ANO3: variants seen among roughly 807,000 people sequenced by gnomAD.
ANO3 encodes anoctamin-3.
In ANO3, 99 loss-of-function variants were observed where a neutral mutation model predicts 144.8. The observed-to-expected ratio is 0.68, with a 90% CI of 0.58 to 0.81. ANO3 has a LOEUF of 0.81. Among genes scored for constraint, ANO3 ranks in the 30% least tolerant of loss-of-function variants. ANO3 has a pLI of 0.00. For missense variants in ANO3, 905 were observed against 1,202.2 expected, an observed-to-expected ratio of 0.75 and a Z score of 3.66; for synonymous variants, 414 against 392.6, an observed-to-expected ratio of 1.05 and a Z score of -0.64.
chr11:26,496,056 G>T lies in ANO3; in HGVS notation c.433-12048G>T, dbSNP rs558243685. Among the ~76,000 whole-genome samples the T allele has an allele frequency of 2.1e-4, 32 of 152,256 alleles. No homozygotes were observed. In the South Asian group the frequency reaches 6.4e-3, roughly 31 times the overall value. On this transcript the variant is annotated intron_variant, in intron 4 of 26. Coordinates refer to ENST00000256737, the MANE Select transcript of ANO3 (RefSeq NM_031418.4). Reference sequence around the variant, plus strand: ...GTGAAAATAGTAGGCTTTGACCAAGGTAATGAATATTCTGGGGCTATTTCC... The same window carrying T: ...GTGAAAATAGTAGGCTTTGACCAAGTTAATGAATATTCTGGGGCTATTTCC...
Position 26,332,197 on chromosome 11 carries a change from AGCGTCTAGAGTCTG to A in ANO3, c.-76_-63del, listed in dbSNP as rs1855066091. 6.2e-7 allele frequency: 1 copy of A among 1,613,040 alleles called. No homozygotes were observed. On this transcript the variant is annotated 5_prime_UTR_variant, in exon 1 of 27. Coordinates refer to ENST00000256737, the MANE Select transcript of ANO3 (RefSeq NM_031418.4). ...CGCTCGCTGAGGCTCCGGACCTTGG[AGCGTCTAGAGTCTG>A]GCTACTGTTCCTCCGCCTCCCTCTC...
intron 1 of ANO3, among the ~76,000 whole-genome samples, chr11:26,385,666 G>T (rs1358539989): frequency 6.6e-6 from 1 of 151,944 alleles, no homozygotes; most frequent in Non-Finnish European, 1.5e-5. Flanking sequence ...ATTACACTGG[G>T]CCTATCGGGG....
At chr11:26,502,432 G>C (rs1423553112) in intron 4 of ANO3, among the ~76,000 whole-genome samples, 1 of 152,190 alleles carries the variant, frequency 6.6e-6, no homozygotes, top group Non-Finnish European at 1.5e-5. Flanking sequence ...TAGATTCCAA[G>C]TATGTCTGAA....
intron 4 of ANO3, among the ~76,000 whole-genome samples, chr11:26,497,729 C>T (rs17243329): frequency 0.075 from 11,349 of 151,992 alleles, 601 homozygotes; most frequent in Admixed American, 0.13. Context: ...GAAAGTGTGG[C>T]ATTTATGATA....
At chr11:26,210,879 G>A (rs922409529) in intron 1 of ANO3, among the ~76,000 whole-genome samples, 21 of 151,690 alleles carry the variant, frequency 1.4e-4, no homozygotes, top group African/African-American at 4.6e-4. Context: ...AAGGAGATTT[G>A]GGGCTGAAAC....
chr11:26,590,954 C>T (rs537980211), intron 14 of ANO3, among the ~76,000 whole-genome samples: 5 of 152,280 alleles, frequency 3.3e-5, no homozygotes, highest in African/African-American at 7.2e-5. Context: ...TGCCCACTCC[C>T]GTCTCGAATG....
At chr11:26,589,720 A>G (rs1294200875) in intron 14 of ANO3, among the ~76,000 whole-genome samples, 6 of 152,194 alleles carry the variant, frequency 3.9e-5, no homozygotes, top group Non-Finnish European at 7.3e-5. Flanking sequence ...TGAGCAGACC[A>G]TACAATACAT....
chr11:26,625,262 C>T (rs1310096495), intron 18 of ANO3, among the ~76,000 whole-genome samples: 3 of 152,162 alleles, frequency 2.0e-5, no homozygotes, highest in Non-Finnish European at 4.4e-5. Flanking sequence ...TGTTATTTCC[C>T]ACCATGTTTC....
chr11:26,322,659 C>A (rs2133880413), intron 1 of ANO3, among the ~76,000 whole-genome samples: 1 of 152,160 alleles, frequency 6.6e-6, no homozygotes, highest in Non-Finnish European at 1.5e-5. Context: ...CCATTTTCAC[C>A]ACATCATATG....
chr11:26,535,919 G>A (rs1166675163), intron 9 of ANO3, among the ~76,000 whole-genome samples: 3 of 151,796 alleles, frequency 2.0e-5, no homozygotes, highest in African/African-American at 7.3e-5. Context: ...TCAGACTGTT[G>A]TTCTTCTAAT....
intron 14 of ANO3, among the ~76,000 whole-genome samples, chr11:26,584,783 A>T (rs1351662007): frequency 6.6e-6 from 1 of 152,208 alleles, no homozygotes; most frequent in African/African-American, 2.4e-5. Flanking sequence ...TGCAGCATCT[A>T]ACCTCCCTTA....
chr11:26,246,314 C>T (rs952910995), intron 1 of ANO3, among the ~76,000 whole-genome samples: 3 of 151,890 alleles, frequency 2.0e-5, no homozygotes, highest in African/African-American at 7.3e-5. Context: ...CACCAGTTTC[C>T]AAACCAGGAG....
At chr11:26,648,389 T>G (rs1234738678) in intron 24 of ANO3, among the ~76,000 whole-genome samples, 1 of 152,206 alleles carries the variant, frequency 6.6e-6, no homozygotes, top group African/African-American at 2.4e-5. Context: ...AAGTCCACTC[T>G]TTGCAACATA....
intron 1 of ANO3, among the ~76,000 whole-genome samples, chr11:26,338,677 G>A (rs192677460): frequency 2.1e-4 from 32 of 152,240 alleles, no homozygotes; most frequent in South Asian, 2.1e-4. Context: ...CATTCCTGAA[G>A]TCAACGAGAC....
At chr11:26,375,329 G>A (rs1299312446) in intron 1 of ANO3, among the ~76,000 whole-genome samples, 2 of 152,108 alleles carry the variant, frequency 1.3e-5, no homozygotes, top group African/African-American at 4.8e-5. Flanking sequence ...CTCCTCTGCT[G>A]CCCGGTTCCT....
intron 17 of ANO3, among the ~76,000 whole-genome samples, chr11:26,621,603 T>C (rs998837414): frequency 2.0e-5 from 3 of 152,144 alleles, no homozygotes; most frequent in African/African-American, 7.2e-5. Flanking sequence ...CCTGCTTTAT[T>C]TTCCCTCAGA....
chr11:26,443,914 A>T, intron 3 of ANO3, 78 bp downstream of exon 3: 2 of 867,172 alleles, frequency 2.3e-6, no homozygotes, highest in Non-Finnish European at 3.5e-6. Context: ...AAAAACTAGC[A>T]TTTTTTTTTT....
chr11:26,537,523 G>C, intron 10 of ANO3, 62 bp downstream of exon 10: 1 of 1,382,586 alleles, frequency 7.2e-7, no homozygotes, highest in Non-Finnish European at 1.0e-6. Context: ...GCTTGGTCCT[G>C]TTGTTTGCAT....
In ANO3 at chr11:26,565,648, G is replaced by GAC; in HGVS notation, c.1447+5870_1447+5871dup. On this transcript the variant is annotated intron_variant, in intron 14 of 26. Coordinates refer to ENST00000256737, the MANE Select transcript of ANO3 (RefSeq NM_031418.4). Reference sequence around the variant, plus strand: ...TTGGGTAGATTCAAAGGAGGGGAATGACTCGCCTTGAGATTTGAGGTGGTT... The same window carrying GAC: ...TTGGGTAGATTCAAAGGAGGGGAATGACACTCGCCTTGAGATTTGAGGTGGTT... 4 of 1,608,656 alleles carry GAC rather than the reference G, an allele frequency of 2.5e-6. No individual in the cohort carries two copies. In the South Asian group the frequency reaches 3.3e-5, roughly 13 times the overall value.
Sources: gnomAD v4.1 joint callset for allele counts (sites outside exome capture counted in the v4.1 genomes callset) on GRCh38, gnomAD v4.1.1 for gene constraint, MANE v1.5 for transcripts, NCBI Gene and HGNC (gene_info 2026-07-23, HGNC 2026-07-21) for gene names.